PLXNB2: variants seen among roughly 807,000 people sequenced by gnomAD.
PLXNB2 encodes plexin B2, also known as plexin-B2.
PLXNB2 carries 85 observed loss-of-function variants against 202.6 expected under a neutral mutation model. The observed-to-expected ratio is 0.42, with a 90% CI of 0.35 to 0.50. The LOEUF (loss-of-function observed/expected upper bound fraction) is 0.50. Among genes scored for constraint, PLXNB2 ranks in the 20% least tolerant of loss-of-function variants. The pLI is 0.02. For synonymous variants in PLXNB2, 1,239 were observed against 1,137.6 expected, an observed-to-expected ratio of 1.09 and a Z score of -1.79; for missense variants, 2,063 against 2,586.2, an observed-to-expected ratio of 0.80 and a Z score of 4.39.
At chr22:50,293,811 G>A (rs368825921) in intron 2 of PLXNB2, among the ~76,000 whole-genome samples, 30 of 152,344 alleles carry the variant, frequency 2.0e-4, no homozygotes, top group African/African-American at 7.0e-4. Flanking sequence ...CGCCAGGGCT[G>A]TAGGGGCCCC....
chr22:50,296,033 T>C (rs28570650), intron 1 of PLXNB2, among the ~76,000 whole-genome samples: 58,688 of 151,610 alleles, frequency 0.39, 13,432 homozygotes, highest in African/African-American at 0.65. Context: ...ACCTGGGAGG[T>C]GGAGGTTGCA....
At position 50,284,288 on chromosome 22, in the gene PLXNB2, C is replaced by T; in HGVS notation, c.2182-75G>A. The T allele has an allele frequency of 7.3e-7, 1 of 1,375,000 alleles. No homozygotes were observed. Among genetic ancestry groups the T allele is most frequent in the Non-Finnish European group, 1.0e-6 (1 of 968,614 alleles). The allele number at this position is 1,375,000 out of a possible 1,614,324, so 85.2% of individuals were successfully genotyped here. The stretch of plus-strand genomic sequence containing the variant: ...GTGGGGCGGGGGTCACAAGGGCAGC[C>T]TCCCTGTGGCCACCGGGTCCCTTCC... On this transcript the variant is annotated intron_variant, in intron 12 of 36. Transcript: ENST00000359337. This position sits in a 1 kb window ranked among gnomAD's most constrained non-coding sequence, Gnocchi z 8.0.
At chr22:50,302,723 G>A (rs1044967177) in intron 1 of PLXNB2, among the ~76,000 whole-genome samples, 19 of 152,298 alleles carry the variant, frequency 1.2e-4, no homozygotes, top group Non-Finnish European at 8.8e-5. Flanking sequence ...AGTGGGGGGG[G>A]CCATGCTGGA....
At position 50,280,494 on chromosome 22, in the gene PLXNB2, C is replaced by T. The variant is rs780943658; in HGVS notation, c.4170G>A (p.Leu1390=). Residue 1390 remains leucine (L), a synonymous_variant, in exon 25 of 37, where the codon CTG becomes CTA. Transcript: ENST00000359337. ...GTGGCCCCGCCCATGTGCACCTGCGCAGCATCAGCTTGGGGTTCTTGGCCA... is the reference window on the plus strand; with the variant it reads ...GTGGCCCCGCCCATGTGCACCTGCGTAGCATCAGCTTGGGGTTCTTGGCCA... ...YVVAKNPKLM[L]RRSETVVERM... 3 of 1,606,466 alleles carry T rather than the reference C, an allele frequency of 1.9e-6. No individual in the cohort carries two copies. Among genetic ancestry groups the T allele is most frequent in the East Asian group, 2.2e-5 (1 of 44,748 alleles).
chr22:50,286,479 A>G (rs2066464803), intron 8 of PLXNB2, among the ~76,000 whole-genome samples, 192 bp from the exon 9 acceptor site: 1 of 151,816 alleles, frequency 6.6e-6, no homozygotes, highest in Non-Finnish European at 1.5e-5. Flanking sequence ...GGCTGCCAGG[A>G]CGCCCGTTCA....
rs2065488965 is a variant in PLXNB2, at chr22:50,275,603, G to A, written c.*101C>T. 1.2e-6 allele frequency: 1 copy of A among 803,836 alleles called. No individual in the cohort carries two copies. Among genetic ancestry groups the A allele is most frequent in the Middle Eastern group, 3.2e-4 (1 of 3,150 alleles). 49.8% of individuals were successfully genotyped at this position (803,836 alleles called of 1,614,324 possible). A position where few individuals can be genotyped will look rare whatever the true frequency, so the allele number is the denominator to read the frequency against. ...ACTCCGGCTTGGGGCGCGTTCCAGG[G>A]GAGGGTGGGGGCCTCAGCCACAGCC... On this transcript the variant is annotated 3_prime_UTR_variant, in exon 37 of 37. Transcript: ENST00000359337.
In PLXNB2 at chr22:50,290,054, G is replaced by C. The variant is rs370376989; in HGVS notation, c.531C>G (p.His177Gln). ...VLFVGKGNGPHDNGIIVSTRL... is the reference protein window; with the variant it reads ...VLFVGKGNGPQDNGIIVSTRL... ...GAGTGCTCACGATGATGCCGTTGTC[G>C]TGTGGCCCATTGCCTTTGCCCACAA... The change falls in exon 3 of 37, where the codon CAC becomes CAG. Residue 177 changes from histidine (H) to glutamine (Q), a missense_variant. By Grantham distance (24) the His-to-Gln change is conservative. This residue lies in a region of PLXNB2 where 1,303 missense variants were observed against 1,476.8 expected (regional missense o/e 0.88). Coordinates refer to ENST00000359337, the MANE Select transcript of PLXNB2 (RefSeq NM_012401.4). The C allele has an allele frequency of 5.6e-6, 9 of 1,613,296 alleles. No homozygotes were observed. The East Asian group carries it at 6.7e-5, about 12-fold the overall frequency.
chr22:50,284,151 A>G lies in PLXNB2; in HGVS notation c.2244T>C (p.Asn748=). 1 of 1,611,336 alleles carries G rather than the reference A, an allele frequency of 6.2e-7. No individual in the cohort carries two copies. The highest frequency in any genetic ancestry group is 8.5e-7 in the Non-Finnish European group (1 of 1,179,438). Residue 748 remains asparagine (N), a synonymous_variant, in exon 13 of 37, where the codon AAT becomes AAC. Transcript: ENST00000359337. This position sits in a 1 kb window ranked among gnomAD's most constrained non-coding sequence, Gnocchi z 8.0. ...CCCCACCATGGAGCTTGCTGTCGAT[A>G]TTCTTGCCGTAAGACTTGACGTAGA... ...LHLYVKSYGK[N]IDSKLHVTLY...
intron 2 of PLXNB2, among the ~76,000 whole-genome samples, chr22:50,290,844 G>A (rs1371347572): frequency 1.3e-5 from 2 of 152,188 alleles, no homozygotes; most frequent in African/African-American, 2.4e-5. Context: ...CACTGCCATC[G>A]CCTGCTACAG....
intron 33 of PLXNB2, among the ~76,000 whole-genome samples, 182 bp downstream of exon 33, chr22:50,277,409 G>A (rs1601673417): frequency 6.6e-6 from 1 of 152,116 alleles, no homozygotes; most frequent in Admixed American, 6.5e-5. Context: ...AAGGGCTCTC[G>A]GGATCTCCCA....
chr22:50,286,330 G>A, intron 8 of PLXNB2, 43 bp from the exon 9 acceptor site: 1 of 1,454,140 alleles, frequency 6.9e-7, no homozygotes, highest in Non-Finnish European at 9.6e-7. Context: ...GCGGCCGCAG[G>A]GCCGAGGGCC....
chr22:50,283,472 A>G (rs765212180), intron 15 of PLXNB2, 27 bp from the exon 16 acceptor site: 2 of 1,605,568 alleles, frequency 1.2e-6, no homozygotes, highest in South Asian at 2.2e-5. Context: ...AGTGTGGCCC[A>G]GGCACTCCCC....
At chr22:50,298,142 C>T (rs1410064962) in intron 1 of PLXNB2, among the ~76,000 whole-genome samples, 3 of 152,264 alleles carry the variant, frequency 2.0e-5, no homozygotes, top group Non-Finnish European at 4.4e-5. Flanking sequence ...ACTCAGTGAG[C>T]CGGGAAGGGG....
At position 50,283,907 on chromosome 22, in the gene PLXNB2, C is replaced by A; in HGVS notation, c.2347G>T (p.Gly783Trp). Residue 783 changes from glycine (G) to tryptophan (W), a missense_variant, in exon 14 of 37, where the codon GGG becomes TGG. Coordinates refer to ENST00000359337, the MANE Select transcript of PLXNB2 (RefSeq NM_012401.4). ...TCATACACGCACCTGCTCTGGCCCC[C>A]GCACCACGCACACCTGTAGTCGGGG... ...ANPDYRCAWC[G>W]GQSRCVYEAL... is the part of the protein sequence containing the mutation. The A allele has an allele frequency of 6.3e-7, 1 of 1,582,066 alleles. No homozygotes were observed. The highest frequency in any genetic ancestry group is 8.6e-7 in the Non-Finnish European group (1 of 1,165,020).
intron 27 of PLXNB2, among the ~76,000 whole-genome samples, chr22:50,279,423 C>T (rs1414686834): frequency 1.3e-5 from 2 of 152,188 alleles, no homozygotes; most frequent in South Asian, 2.1e-4. Context: ...AGAGCTGATG[C>T]GGGGCCCGCA....
At position 50,278,101 on chromosome 22, in the gene PLXNB2, A is replaced by G; in HGVS notation, c.4887+16T>C. Reference sequence around the variant, plus strand: ...CGTGGCGGCCTGGTGCCGCCCACACACCCATGGGGGCCCACCTTGACTGAG... The same window carrying G: ...CGTGGCGGCCTGGTGCCGCCCACACGCCCATGGGGGCCCACCTTGACTGAG... On this transcript the variant is annotated intron_variant, in intron 31 of 36. Transcript: ENST00000359337. 6.2e-7 allele frequency: 1 copy of G among 1,602,282 alleles called. No individual in the cohort carries two copies. Among genetic ancestry groups the G allele is most frequent in the Non-Finnish European group, 8.5e-7 (1 of 1,178,774 alleles).
At chr22:50,295,425 T>C (rs1227558250) in intron 1 of PLXNB2, among the ~76,000 whole-genome samples, 4 of 152,096 alleles carry the variant, frequency 2.6e-5, no homozygotes, top group Non-Finnish European at 5.9e-5. Context: ...TGCCTCATTC[T>C]CCATCTGTGG....
rs776854618 is a variant in PLXNB2 at position 50,276,674 on chromosome 22, C to T, written c.5292G>A (p.Gln1764=). 1 of 1,613,824 alleles carries T rather than the reference C, an allele frequency of 6.2e-7. No homozygotes were observed. Among genetic ancestry groups the T allele is most frequent in the Non-Finnish European group, 8.5e-7 (1 of 1,179,880 alleles). Reference sequence around the variant, plus strand: ...GTGTGTTCATGTCCTGGTCGCTGACCTGCACCATCTGCCGGATCCCCTTGT... The same window carrying T: ...GTGTGTTCATGTCCTGGTCGCTGACTTGCACCATCTGCCGGATCCCCTTGT... ...DYYKGIRQMV[Q]VSDQDMNTHL... The change falls in exon 35 of 37, where the codon CAG becomes CAA. Residue 1764 remains glutamine, a synonymous_variant. Coordinates refer to ENST00000359337, the MANE Select transcript of PLXNB2 (RefSeq NM_012401.4).
intron 8 of PLXNB2, 102 bp downstream of exon 8, chr22:50,287,009 G>A: frequency 8.2e-7 from 1 of 1,214,948 alleles, no homozygotes; most frequent in South Asian, 1.6e-5. Flanking sequence ...GAGTGTGCCT[G>A]TGCAGAGCCT....
Sources: gnomAD v4.1 joint callset for allele counts (sites outside exome capture counted in the v4.1 genomes callset) on GRCh38, gnomAD v4.1.1 for gene constraint, gnomAD v4.1.1 regional missense constraint, Gnocchi (gnomAD v3.1) non-coding constraint, MANE v1.5 for transcripts, NCBI Gene and HGNC (gene_info 2026-07-23, HGNC 2026-07-21) for gene names.